The following RBM47 variants were observed in gnomAD, a reference collection of about 807,000 sequenced individuals.
The protein encoded by RBM47 is RNA-binding protein 47.
A neutral mutation model predicts 47.1 loss-of-function variants in RBM47; 21 were observed. The observed-to-expected ratio is 0.45, with a 90% confidence interval of 0.32 to 0.64. The LOEUF is 0.64. Ranked by LOEUF, RBM47 falls within the 30% of genes least tolerant of loss-of-function variation. The pLI is 0.05. For synonymous variants in RBM47, 375 were observed against 361.7 expected, an observed-to-expected ratio of 1.04 and a Z score of -0.42; for missense variants, 708 against 870.9, an observed-to-expected ratio of 0.81 and a Z score of 2.35.
chr4:40,430,604 CCTTT>C (rs1715827800), intron 6 of RBM47, among the ~76,000 whole-genome samples: 1 of 152,110 alleles, frequency 6.6e-6, no homozygotes, highest in Non-Finnish European at 1.5e-5. Flanking sequence ...ATTAGTCTGC[CCTTT>C]CTGAATAATG....
chr4:40,430,866 C>T (rs969297590), intron 6 of RBM47, among the ~76,000 whole-genome samples: 14 of 151,994 alleles, frequency 9.2e-5, no homozygotes, highest in African/African-American at 2.4e-4. Context: ...GTGGGAGGAT[C>T]GCTTGAGCCC....
At chr4:40,504,699 T>C (rs956458019) in intron 2 of RBM47, among the ~76,000 whole-genome samples, 1 of 152,232 alleles carries the variant, frequency 6.6e-6, no homozygotes, top group African/African-American at 2.4e-5. Context: ...TCAGCTTCTA[T>C]GATAAGGCCT....
chr4:40,500,312 C>T (rs915658934), intron 2 of RBM47, among the ~76,000 whole-genome samples: 22 of 150,160 alleles, frequency 1.5e-4, no homozygotes, highest in African/African-American at 2.7e-4. Context: ...AGACTTCGTC[C>T]CCCCCCAAAA....
rs1372755620 is a variant in RBM47 at position 40,423,694 on chromosome 4, TTC to T, written c.*2208_*2209del. On this transcript the variant is annotated 3_prime_UTR_variant, in exon 7 of 7. Coordinates refer to ENST00000295971, the MANE Select transcript of RBM47 (RefSeq NM_001098634.2). Reference sequence around the variant, plus strand: ...TTTCTTTCTTTCTTTCTTTCTTTCTTTCTTTCTTTCTTTCTTTCTTTTCTTTC... The same window carrying T: ...TTTCTTTCTTTCTTTCTTTCTTTCTTTTTCTTTCTTTCTTTCTTTTCTTTC... 9.9e-6 allele frequency: 1 copy of T among 101,412 alleles called. No homozygotes were observed. The highest frequency in any genetic ancestry group is 3.6e-4 in the East Asian group (1 of 2,756). 6.3% of individuals were successfully genotyped at this position (101,412 alleles called of 1,614,324 possible). A position where few individuals can be genotyped will look rare whatever the true frequency, so the allele number is the denominator to read the frequency against.
chr4:40,450,876 AG>A (rs1715317696), intron 3 of RBM47, among the ~76,000 whole-genome samples: 1 of 152,254 alleles, frequency 6.6e-6, no homozygotes, highest in East Asian at 1.9e-4. Context: ...ATCTGGGGGC[AG>A]GGGGTGCGCA....
At chr4:40,526,638 A>C (rs377369197) in intron 2 of RBM47, among the ~76,000 whole-genome samples, 1 of 152,016 alleles carries the variant, frequency 6.6e-6, no homozygotes, top group African/African-American at 2.4e-5. Flanking sequence ...CAGTGGTGCC[A>C]TAACAGCTCA....
chr4:40,502,950 G>A (rs2154250651), intron 2 of RBM47, among the ~76,000 whole-genome samples: 1 of 132,722 alleles, frequency 7.5e-6, no homozygotes, highest in East Asian at 2.3e-4. Context: ...GACCATCCTC[G>A]TCAACATAGT....
intron 2 of RBM47, among the ~76,000 whole-genome samples, chr4:40,476,271 T>C (rs1005043585): frequency 6.6e-6 from 1 of 152,120 alleles, no homozygotes; most frequent in African/African-American, 2.4e-5. Flanking sequence ...TTCTTAGAAA[T>C]GTTATATTTT....
At chr4:40,546,553 C>T (rs1325145432) in intron 1 of RBM47, among the ~76,000 whole-genome samples, 1 of 152,194 alleles carries the variant, frequency 6.6e-6, no homozygotes, top group African/African-American at 2.4e-5. Context: ...AAGACTACAA[C>T]GTACCTCTTG....
intron 1 of RBM47, among the ~76,000 whole-genome samples, chr4:40,616,368 G>GAA (rs56280844): frequency 0.11 from 15,123 of 140,988 alleles, 1,154 homozygotes; most frequent in East Asian, 0.24. Context: ...AAAAAAAAAA[G>GAA]AAAAAAAAAA....
rs369365106 is a variant in RBM47, at chr4:40,549,109, TG to T, written c.-239-4604del. Among the ~76,000 whole-genome samples the T allele has an allele frequency of 2.8e-3, 409 of 147,056 alleles. 4 individuals carry two copies. The highest frequency in any genetic ancestry group is 7.5e-3 in the African/African-American group (289 of 38,782). The stretch of plus-strand genomic sequence containing the variant: ...GACTGTACCTCAGTTTCTTTTTTTT[TG>T]GGGGGGGGGACACAGAGCCTTGCTC... On this transcript the variant is annotated intron_variant, in intron 1 of 6. Transcript: ENST00000295971.
chr4:40,438,922 A>C lies in RBM47; in HGVS notation c.-29T>G. ...GTCAAAGGCATCCACAGCTGGCGGA[A>C]ACCTGGGGAAGCAGAAAGAAGCGTG... On this transcript the variant is annotated splice_region_variant and 5_prime_UTR_variant, in exon 4 of 7. Coordinates refer to ENST00000295971, the MANE Select transcript of RBM47 (RefSeq NM_001098634.2). The C allele has an allele frequency of 1.3e-6, 2 of 1,502,048 alleles. No individual in the cohort carries two copies. The highest frequency in any genetic ancestry group is 1.4e-5 in the African/African-American group (1 of 72,692). The allele number at this position is 1,502,048 out of a possible 1,614,324, so 93.0% of individuals were successfully genotyped here.
intron 1 of RBM47, among the ~76,000 whole-genome samples, chr4:40,596,376 C>G (rs1162292275): frequency 6.6e-6 from 1 of 152,156 alleles, no homozygotes; most frequent in African/African-American, 2.4e-5. Flanking sequence ...TATTCACTTC[C>G]TGGTGCAGGC....
chr4:40,509,185 A>AAATAAATAAATAAAT (rs1553893164), intron 2 of RBM47, among the ~76,000 whole-genome samples: 1 of 151,242 alleles, frequency 6.6e-6, no homozygotes, highest in Admixed American at 6.6e-5. Context: ...ATAAATAAAT[A>AAATAAATAAATAAAT]AATAATAATA....
At chr4:40,523,058 G>A (rs563575046) in intron 2 of RBM47, among the ~76,000 whole-genome samples, 35 of 150,346 alleles carry the variant, frequency 2.3e-4, no homozygotes, top group African/African-American at 6.6e-4. Flanking sequence ...CTCTGCCTCC[G>A]GGGTTCAAGC....
intron 3 of RBM47, among the ~76,000 whole-genome samples, chr4:40,451,232 G>A (rs942528667): frequency 2.7e-5 from 4 of 148,796 alleles, no homozygotes; most frequent in Non-Finnish European, 3.0e-5. Flanking sequence ...ACTGAGAAAC[G>A]TGCAACATTT....
At chr4:40,606,685 C>T (rs982395950) in intron 1 of RBM47, among the ~76,000 whole-genome samples, 2 of 152,064 alleles carry the variant, frequency 1.3e-5, no homozygotes, top group African/African-American at 4.8e-5. Flanking sequence ...CTCTTTGTGC[C>T]TCATTTGCCA....
chr4:40,547,478 G>A (rs763203508), intron 1 of RBM47, among the ~76,000 whole-genome samples: 1 of 152,218 alleles, frequency 6.6e-6, no homozygotes, highest in Non-Finnish European at 1.5e-5. Context: ...AAACCCTGCT[G>A]TCACCTTGAT....
intron 2 of RBM47, among the ~76,000 whole-genome samples, chr4:40,505,178 A>C (rs1290825780): frequency 6.6e-6 from 1 of 152,052 alleles, no homozygotes; most frequent in Non-Finnish European, 1.5e-5. Flanking sequence ...TGACAAAGCA[A>C]GATCTTGTGT....
Sources: gnomAD v4.1 joint callset for allele counts (sites outside exome capture counted in the v4.1 genomes callset) on GRCh38, gnomAD v4.1.1 for gene constraint, MANE v1.5 for transcripts, NCBI Gene and HGNC (gene_info 2026-07-23, HGNC 2026-07-21) for gene names.